Variants in DMD observed in about 807,000 individuals in gnomAD.
DMD encodes the protein mutant dystrophin.
Under a neutral mutation model 330.1 loss-of-function variants are expected in DMD, and 63 were observed. The ratio of observed to expected loss-of-function variants is 0.19; its 90% CI spans 0.16 to 0.24. DMD has a LOEUF of 0.24. Among genes scored for constraint, DMD ranks in the 10% least tolerant of loss-of-function variants. The probability of loss-of-function intolerance (pLI) is 1.00; values close to 1 mark genes in which losing one functional copy is unlikely to be tolerated. For missense variants in DMD, 3,344 were observed against 2,684.1 expected, an observed-to-expected ratio of 1.25 and a Z score of -5.43; for synonymous variants, 1,223 against 959.8, an observed-to-expected ratio of 1.27 and a Z score of -5.07.
chrX:33,307,456 C>T lies in DMD; in HGVS notation c.7+31803G>A, dbSNP rs189808450. On this transcript the variant is annotated intron_variant, in intron 1 of 17. Coordinates refer to the DMD transcript ENST00000288447. ...CCTGTAATCCCAGAACTTTGGGAGG[C>T]CAAGGCGGGCGGATCACCTGAGGTC... 1.0e-2 allele frequency among the ~76,000 whole-genome samples: 1,121 copies of T among 112,174 alleles called. 7 individuals are homozygous for T. The highest frequency in any genetic ancestry group is 0.015 in the Non-Finnish European group (815 of 53,207).
chrX:31,707,742 G>C (rs752407152), intron 52 of DMD, among the ~76,000 whole-genome samples: 1 of 111,729 alleles, frequency 9.0e-6, no homozygotes, highest in Non-Finnish European at 1.9e-5. Context: ...CTAACTGTCT[G>C]ACTGGAGAAA....
intron 59 of DMD, among the ~76,000 whole-genome samples, chrX:31,459,754 A>C (rs1422457478): frequency 8.9e-6 from 1 of 112,058 alleles, no homozygotes; most frequent in Non-Finnish European, 1.9e-5. Context: ...AGGGCTGAGC[A>C]CACTGTGGAA....
At chrX:32,828,032 G>A (rs2078870338) in intron 4 of DMD, among the ~76,000 whole-genome samples, 4 of 111,229 alleles carry the variant, frequency 3.6e-5, no homozygotes, top group Admixed American at 2.9e-4. Flanking sequence ...TAAGGATAAC[G>A]GCTCCAGCTG....
chrX:32,910,885 A>C (rs1255291833), intron 2 of DMD, among the ~76,000 whole-genome samples: 2 of 112,326 alleles, frequency 1.8e-5, no homozygotes, highest in East Asian at 5.6e-4. Context: ...CATGTCTTAG[A>C]GCTCTTTCAA....
At chrX:31,786,786 A>T (rs1164206601) in intron 50 of DMD, among the ~76,000 whole-genome samples, 2 of 111,878 alleles carry the variant, frequency 1.8e-5, no homozygotes, top group Non-Finnish European at 3.8e-5. Flanking sequence ...AATTTGGTAG[A>T]ACTCTGAAAG....
intron 60 of DMD, among the ~76,000 whole-genome samples, chrX:31,353,562 A>C (rs1452638834): frequency 1.8e-5 from 2 of 112,270 alleles, no homozygotes; most frequent in Non-Finnish European, 3.8e-5. Context: ...ATATCTGAAG[A>C]AGCAAATAAA....
chrX:32,936,662 C>T (rs1019628790), intron 2 of DMD, among the ~76,000 whole-genome samples: 1 of 111,750 alleles, frequency 8.9e-6, no homozygotes, highest in Admixed American at 9.6e-5. Flanking sequence ...GCAAGCACAT[C>T]CTCAGATAAC....
chrX:31,977,787 C>CAAA (rs759262885), intron 44 of DMD, among the ~76,000 whole-genome samples: 1 of 60,315 alleles, frequency 1.7e-5, no homozygotes. Context: ...CTCTGCAAAT[C>CAAA]AAAAAAAAAA....
chrX:31,940,142 G>A (rs1293354880), intron 45 of DMD, among the ~76,000 whole-genome samples: 4 of 111,610 alleles, frequency 3.6e-5, no homozygotes, highest in Non-Finnish European at 7.5e-5. Context: ...GATACAGTAA[G>A]TGTTACAGAG....
intron 44 of DMD, among the ~76,000 whole-genome samples, chrX:32,037,789 T>C (rs2095961716): frequency 8.9e-6 from 1 of 112,058 alleles, no homozygotes; most frequent in African/African-American, 3.2e-5. Flanking sequence ...ATTTCAATGA[T>C]GTTATCATTG....
At chrX:32,734,358 C>T (rs1009151379) in intron 7 of DMD, among the ~76,000 whole-genome samples, 1 of 94,879 alleles carries the variant, frequency 1.1e-5, no homozygotes, top group Admixed American at 1.1e-4. Context: ...GGTACCATTC[C>T]TTCTGAAACT....
chrX:32,939,879 T>C (rs2090284335), intron 2 of DMD, among the ~76,000 whole-genome samples: 1 of 111,254 alleles, frequency 9.0e-6, no homozygotes, highest in Admixed American at 9.6e-5. Flanking sequence ...AAATCACAGA[T>C]GACACAAACA....
At chrX:31,400,659 A>T (rs1311832892) in intron 60 of DMD, among the ~76,000 whole-genome samples, 1 of 111,418 alleles carries the variant, frequency 9.0e-6, no homozygotes, top group African/African-American at 3.3e-5. Flanking sequence ...GGAACGAAAA[A>T]AATCAATATA....
At chrX:31,578,314 T>G (rs1296865855) in intron 55 of DMD, among the ~76,000 whole-genome samples, 1 of 111,931 alleles carries the variant, frequency 8.9e-6, no homozygotes, top group African/African-American at 3.3e-5. Context: ...TTAAGAGACT[T>G]GCCCTAAATC....
intron 2 of DMD, among the ~76,000 whole-genome samples, chrX:32,879,093 A>G (rs1438261431): frequency 1.8e-5 from 2 of 110,930 alleles, no homozygotes; most frequent in Non-Finnish European, 3.8e-5. Flanking sequence ...CCCTCATGAC[A>G]TAATATCCAT....
chrX:31,907,246 T>C (rs1416360894), intron 47 of DMD, among the ~76,000 whole-genome samples: 1 of 111,502 alleles, frequency 9.0e-6, no homozygotes, highest in East Asian at 2.8e-4. Context: ...GGGTATATTA[T>C]CATGCAAGTC....
At chrX:31,376,504 A>G (rs1166883355) in intron 60 of DMD, among the ~76,000 whole-genome samples, 2 of 111,971 alleles carry the variant, frequency 1.8e-5, no homozygotes, top group African/African-American at 6.5e-5. Context: ...AGTTTTTGTT[A>G]TTCAGAAGCT....
intron 59 of DMD, among the ~76,000 whole-genome samples, chrX:31,450,446 G>A (rs1180446198): frequency 1.8e-5 from 2 of 112,312 alleles, no homozygotes; most frequent in South Asian, 3.7e-4. Flanking sequence ...TGGGCGGAAT[G>A]AGCTACTCAA....
intron 1 of DMD, among the ~76,000 whole-genome samples, chrX:33,223,793 A>C (rs1172804618): frequency 8.9e-6 from 1 of 112,306 alleles, no homozygotes; most frequent in Non-Finnish European, 1.9e-5. Flanking sequence ...ATGTAAAGAC[A>C]AGCCACAGAA....
Sources: gnomAD v4.1 joint callset for allele counts (sites outside exome capture counted in the v4.1 genomes callset) on GRCh38, gnomAD v4.1.1 for gene constraint, MANE v1.5 for transcripts, NCBI Gene and HGNC (gene_info 2026-07-23, HGNC 2026-07-21) for gene names.